The following NFILZ variants were observed in gnomAD, a reference collection of about 807,000 sequenced individuals.
NFILZ encodes the protein NFIL3 like basic leucine zipper, also known as NFIL3 like protein.
intron 3 of NFILZ, among the ~76,000 whole-genome samples, chr19:8,642,839 T>C (rs2042924450): frequency 6.6e-6 from 1 of 152,016 alleles, no homozygotes; most frequent in Admixed American, 6.6e-5. Flanking sequence ...CTGGAGGAAA[T>C]GACAAATATT....
intron 1 of NFILZ, among the ~76,000 whole-genome samples, chr19:8,631,714 C>T (rs953116423): frequency 2.0e-4 from 30 of 152,132 alleles, no homozygotes; most frequent in African/African-American, 7.0e-4. Flanking sequence ...GCGGCGGCTC[C>T]AGCCTCTCAG....
chr19:8,663,746 G>GTGTA (rs1568423372), intron 3 of NFILZ, among the ~76,000 whole-genome samples: 2 of 51,890 alleles, frequency 3.9e-5, no homozygotes, highest in South Asian at 6.1e-4. Flanking sequence ...GTGTGTGTGT[G>GTGTA]TGTGTGTGTG....
Position 8,635,670 on chromosome 19 carries a change from T to C in NFILZ, c.-240T>C, listed in dbSNP as rs1555746028. 1 of 152,154 alleles carries C rather than the reference T, an allele frequency of 6.6e-6. No individual in the cohort carries two copies. The highest frequency in any genetic ancestry group is 1.9e-4 in the East Asian group (1 of 5,194). 9.4% of individuals were successfully genotyped at this position (152,154 alleles called of 1,614,324 possible). A position where few individuals can be genotyped will look rare whatever the true frequency, so the allele number is the denominator to read the frequency against. On this transcript the variant is annotated 5_prime_UTR_variant, in exon 3 of 6. Coordinates refer to ENST00000691075, the MANE Select transcript of NFILZ (RefSeq NM_001378600.1). Reference sequence around the variant, plus strand: ...GACAGACACGTGAGTTGTTTCCAGTTTTGGTGACGAATGCCCAAATTCATA... The same window carrying C: ...GACAGACACGTGAGTTGTTTCCAGTCTTGGTGACGAATGCCCAAATTCATA...
intron 3 of NFILZ, among the ~76,000 whole-genome samples, chr19:8,672,583 T>G (rs1555750374): frequency 7.7e-6 from 1 of 130,270 alleles, no homozygotes; most frequent in South Asian, 2.5e-4. Flanking sequence ...AAAATATTCA[T>G]GCATTTATTA....
chr19:8,639,289 A>G (rs4804320), intron 3 of NFILZ, among the ~76,000 whole-genome samples: 30,751 of 151,962 alleles, frequency 0.2, 3,430 homozygotes, highest in Middle Eastern at 0.33. Context: ...AGTTACAGGC[A>G]TGGCAGGCCA....
chr19:8,645,272 C>G (rs1358077363), intron 3 of NFILZ, among the ~76,000 whole-genome samples: 5 of 151,006 alleles, frequency 3.3e-5, no homozygotes, highest in Non-Finnish European at 5.9e-5. Context: ...TAGCTGGGAC[C>G]TCATGTTTGC....
At chr19:8,631,770 C>A (rs77680407) in intron 1 of NFILZ, among the ~76,000 whole-genome samples, 6,073 of 151,774 alleles carry the variant, frequency 0.04, 322 homozygotes, top group East Asian at 0.26. Context: ...CACCCGCTGA[C>A]CTCTTGAAGC....
chr19:8,638,246 C>G (rs1193517435), intron 3 of NFILZ, among the ~76,000 whole-genome samples: 3 of 152,202 alleles, frequency 2.0e-5, no homozygotes, highest in African/African-American at 7.2e-5. Flanking sequence ...CTGTGTGATG[C>G]TAGAAGTGCG....
chr19:8,653,827 G>T (rs2042980017), intron 3 of NFILZ, among the ~76,000 whole-genome samples: 1 of 152,202 alleles, frequency 6.6e-6, no homozygotes, highest in Admixed American at 6.6e-5. Context: ...GGTGGGAAAG[G>T]TTGGGAGGCG....
intron 3 of NFILZ, among the ~76,000 whole-genome samples, chr19:8,638,230 G>T (rs1458579602): frequency 1.3e-5 from 2 of 152,190 alleles, no homozygotes; most frequent in Non-Finnish European, 2.9e-5. Context: ...GGCGTCACAC[G>T]CTATGCTGTG....
chr19:8,654,779 G>A (rs1336910876), intron 3 of NFILZ, among the ~76,000 whole-genome samples: 1 of 152,144 alleles, frequency 6.6e-6, no homozygotes, highest in East Asian at 1.9e-4. Context: ...GACTCTGCAG[G>A]GTGAATCTCA....
chr19:8,676,004 G>A (rs2043108565), intron 4 of NFILZ, among the ~76,000 whole-genome samples: 1 of 152,188 alleles, frequency 6.6e-6, no homozygotes, highest in South Asian at 2.1e-4. Flanking sequence ...ATCAATGGAC[G>A]GTTGGATGAA....
chr19:8,652,999 C>CTTTCTTTCTTT (rs2042973424), intron 3 of NFILZ, among the ~76,000 whole-genome samples: 6 of 45,120 alleles, frequency 1.3e-4, no homozygotes, highest in South Asian at 1.1e-3. Context: ...TTCCTTCCTT[C>CTTTCTTTCTTT]CTTCCTTCCT....
At chr19:8,654,886 C>T (rs747023038) in intron 3 of NFILZ, among the ~76,000 whole-genome samples, 2 of 152,138 alleles carry the variant, frequency 1.3e-5, no homozygotes, top group African/African-American at 2.4e-5. Context: ...TCCCACTCTG[C>T]CCCTGGAGTC....
At position 8,678,077 on chromosome 19, in the gene NFILZ, A is replaced by ATTCC. The variant is rs1555750941; in HGVS notation, c.*442_*443insTTCC. 1.6e-4 allele frequency among the ~76,000 whole-genome samples: 1 copy of ATTCC among 6,106 alleles called. No homozygotes were observed. Among genetic ancestry groups the ATTCC allele is most frequent in the African/African-American group, 7.9e-4 (1 of 1,272 alleles). The allele number at this position is 6,106 out of a possible 152,430, so 4.0% of individuals were successfully genotyped here. A position where few individuals can be genotyped will look rare whatever the true frequency, so the allele number is the denominator to read the frequency against. On this transcript the variant is annotated 3_prime_UTR_variant, in exon 6 of 6. Coordinates refer to ENST00000691075, the MANE Select transcript of NFILZ (RefSeq NM_001378600.1). Reference sequence around the variant, plus strand: ...CCACCCATCTATTCATCCATCCATCAATCCATCCATCCATTCCATCCATCC... The same window carrying ATTCC: ...CCACCCATCTATTCATCCATCCATCATTCCATCCATCCATCCATTCCATCCATCC...
chr19:8,668,291 G>GTCTTGTTATTTTTTTCGTTA (rs2043071779), intron 3 of NFILZ, among the ~76,000 whole-genome samples: 1 of 152,094 alleles, frequency 6.6e-6, no homozygotes, highest in Admixed American at 6.6e-5. Context: ...TTTTATTGTT[G>GTCTTGTTATTTTTTTCGTTA]TCTTGTTATT....
At position 8,678,099 on chromosome 19, in the gene NFILZ, A is replaced by G. The variant is rs2043123582; in HGVS notation, c.*464A>G. The stretch of plus-strand genomic sequence containing the variant: ...ATCAATCCATCCATCCATTCCATCC[A>G]TCCATCCATCCATCCATCCATCCAT... On this transcript the variant is annotated 3_prime_UTR_variant, in exon 6 of 6. Coordinates refer to ENST00000691075, the MANE Select transcript of NFILZ (RefSeq NM_001378600.1). 7.8e-6 allele frequency among the ~76,000 whole-genome samples: 1 copy of G among 128,844 alleles called. No homozygotes were observed. The highest frequency in any genetic ancestry group is 1.6e-5 in the Non-Finnish European group (1 of 62,530). 84.5% of individuals were successfully genotyped at this position (128,844 alleles called of 152,430 possible).
Position 8,681,147 on chromosome 19 carries a change from G to C in NFILZ, c.*3512G>C, listed in dbSNP as rs1250862503. On this transcript the variant is annotated 3_prime_UTR_variant, in exon 6 of 6. Coordinates refer to ENST00000691075, the MANE Select transcript of NFILZ (RefSeq NM_001378600.1). ...GAGTGAAAATAAACCCACCACATAA[G>C]TGCAGGAGAGCTGGCTCATTGTCTG... Among the ~76,000 whole-genome samples, 2 of 152,148 alleles carry C rather than the reference G, an allele frequency of 1.3e-5. No homozygotes were observed. The highest frequency in any genetic ancestry group is 4.8e-5 in the African/African-American group (2 of 41,416).
intron 3 of NFILZ, among the ~76,000 whole-genome samples, chr19:8,648,004 C>G (rs1313465544): frequency 6.6e-6 from 1 of 151,454 alleles, no homozygotes; most frequent in African/African-American, 2.4e-5. Context: ...AACCCCGTCT[C>G]TACTAAAAAT....
Sources: gnomAD v4.1 joint callset for allele counts (sites outside exome capture counted in the v4.1 genomes callset) on GRCh38, gnomAD v4.1.1 for gene constraint, MANE v1.5 for transcripts, NCBI Gene and HGNC (gene_info 2026-07-23, HGNC 2026-07-21) for gene names.